The following TBC1D5 variants were observed in gnomAD, a reference collection of about 807,000 sequenced individuals.
The protein encoded by TBC1D5 is TBC1 domain family, member 5.
In TBC1D5, 75 loss-of-function variants were observed where a neutral mutation model predicts 100.3. That is an observed-to-expected ratio of 0.75 (90% CI 0.62 to 0.91). TBC1D5 has a LOEUF of 0.91. Ranked by LOEUF, TBC1D5 falls within the 40% of genes least tolerant of loss-of-function variation. The pLI is 0.00. For synonymous variants in TBC1D5, 323 were observed against 325.6 expected, an observed-to-expected ratio of 0.99 and a Z score of 0.09; for missense variants, 910 against 942.4, an observed-to-expected ratio of 0.97 and a Z score of 0.45.
chr3:17,168,016 T>C (rs2066813401), intron 19 of TBC1D5, among the ~76,000 whole-genome samples, 188 bp from the exon 21 acceptor site: 1 of 152,160 alleles, frequency 6.6e-6, no homozygotes, highest in Non-Finnish European at 1.5e-5. Flanking sequence ...GCACTGGGCC[T>C]GGTACACACA....
At chr3:17,397,986 T>C in intron 8 of TBC1D5, among the ~76,000 whole-genome samples, 1 of 152,158 alleles carries the variant, frequency 6.6e-6, no homozygotes, top group Non-Finnish European at 1.5e-5. Context: ...ATGTTATAGA[T>C]GCTGCATATA....
At chr3:17,344,297 G>C (rs1315078658) in intron 13 of TBC1D5, among the ~76,000 whole-genome samples, 2 of 152,026 alleles carry the variant, frequency 1.3e-5, no homozygotes, top group African/African-American at 4.8e-5. Context: ...GCCAAATCAT[G>C]AGTGAACTCC....
At chr3:17,407,547 G>A (rs1445705550) in intron 4 of TBC1D5, among the ~76,000 whole-genome samples, 1 of 152,112 alleles carries the variant, frequency 6.6e-6, no homozygotes, top group Non-Finnish European at 1.5e-5. Context: ...TTACACACAT[G>A]TGCAGTTGTC....
chr3:17,681,144 A>G (rs1475041930), intron 1 of TBC1D5, among the ~76,000 whole-genome samples: 1 of 151,674 alleles, frequency 6.6e-6, no homozygotes, highest in Non-Finnish European at 1.5e-5. Context: ...GAACTATAGT[A>G]AAGTATTTCA....
chr3:17,711,134 G>A (rs1393399834), intron 1 of TBC1D5, among the ~76,000 whole-genome samples: 1 of 152,080 alleles, frequency 6.6e-6, no homozygotes, highest in Non-Finnish European at 1.5e-5. Flanking sequence ...GCCTGAGATG[G>A]TCGTATGAGG....
At chr3:17,714,008 A>G (rs2075004832) in intron 1 of TBC1D5, among the ~76,000 whole-genome samples, 1 of 152,216 alleles carries the variant, frequency 6.6e-6, no homozygotes. Flanking sequence ...AAGCTTTATA[A>G]TATTTTTTCA....
At chr3:17,165,169 T>C (rs2066467137) in intron 21 of TBC1D5, among the ~76,000 whole-genome samples, 1 of 152,206 alleles carries the variant, frequency 6.6e-6, no homozygotes, top group African/African-American at 2.4e-5. Flanking sequence ...ATCTTGGGTA[T>C]GCACAGTGGG....
At chr3:17,579,661 CA>C (rs542199673) in intron 2 of TBC1D5, among the ~76,000 whole-genome samples, 1 of 149,674 alleles carries the variant, frequency 6.7e-6, no homozygotes, top group Non-Finnish European at 1.5e-5. Flanking sequence ...ACAATTTGAC[CA>C]AAAAAAAAGA....
chr3:17,351,498 A>G (rs902178423), intron 13 of TBC1D5, among the ~76,000 whole-genome samples: 1 of 152,148 alleles, frequency 6.6e-6, no homozygotes, highest in African/African-American at 2.4e-5. Context: ...CAAACACCGC[A>G]TGTTCTCACT....
At chr3:17,456,783 T>C (rs181829442) in intron 3 of TBC1D5, among the ~76,000 whole-genome samples, 1 of 152,254 alleles carries the variant, frequency 6.6e-6, no homozygotes, top group East Asian at 1.9e-4. Context: ...AAATGTGGTA[T>C]AACAATAAAA....
chr3:17,635,777 G>A (rs2063862111), intron 1 of TBC1D5, among the ~76,000 whole-genome samples: 1 of 152,206 alleles, frequency 6.6e-6, no homozygotes, highest in Non-Finnish European at 1.5e-5. Flanking sequence ...ACTGTGATGA[G>A]TTTAAGATGG....
chr3:17,725,300 A>AT (rs919366789), intron 1 of TBC1D5, among the ~76,000 whole-genome samples: 2 of 152,090 alleles, frequency 1.3e-5, no homozygotes, highest in Non-Finnish European at 2.9e-5. Flanking sequence ...AGCTTGAGGG[A>AT]TTTTTTTGGT....
intron 14 of TBC1D5, among the ~76,000 whole-genome samples, chr3:17,296,216 C>T (rs139144494): frequency 2.6e-5 from 4 of 152,164 alleles, no homozygotes; most frequent in East Asian, 1.9e-4. Flanking sequence ...ATAAAATGAG[C>T]TAACAAAAAA....
chr3:17,185,709 A>AT (rs1310496221), intron 18 of TBC1D5, among the ~76,000 whole-genome samples: 2 of 151,918 alleles, frequency 1.3e-5, no homozygotes, highest in African/African-American at 2.4e-5. Flanking sequence ...AAATAAAAAA[A>AT]AAATAAAAAA....
intron 2 of TBC1D5, among the ~76,000 whole-genome samples, chr3:17,565,408 A>G (rs1029404771): frequency 1.3e-5 from 2 of 152,170 alleles, no homozygotes; most frequent in African/African-American, 2.4e-5. Flanking sequence ...AAGAAAGACC[A>G]TAACAATTAC....
intron 3 of TBC1D5, among the ~76,000 whole-genome samples, chr3:17,476,204 C>CTA (rs1056813500): frequency 3.3e-5 from 5 of 151,560 alleles, no homozygotes; most frequent in African/African-American, 1.2e-4. Context: ...TAATTTAATT[C>CTA]TATATATATA....
At chr3:17,408,698 T>C (rs2093841081) in intron 4 of TBC1D5, among the ~76,000 whole-genome samples, 1 of 152,158 alleles carries the variant, frequency 6.6e-6, no homozygotes, top group Admixed American at 6.6e-5. Flanking sequence ...AGAAAAGTTT[T>C]TCATACATTA....
intron 2 of TBC1D5, among the ~76,000 whole-genome samples, chr3:17,560,920 C>CA (rs1296157794): frequency 0.059 from 7,870 of 134,372 alleles, 622 homozygotes; most frequent in African/African-American, 0.19. Flanking sequence ...GACTCCATCT[C>CA]AAAAAAAAAA....
At chr3:17,449,425 C>T (rs771457551) in intron 3 of TBC1D5, among the ~76,000 whole-genome samples, 2 of 152,136 alleles carry the variant, frequency 1.3e-5, no homozygotes, top group Non-Finnish European at 2.9e-5. Context: ...GCCAGGGAGC[C>T]AACTGGTTTT....
Sources: allele counts gnomAD v4.1 joint callset (sites outside exome capture counted in the v4.1 genomes callset), GRCh38; gene constraint gnomAD v4.1.1; transcripts MANE v1.5; gene names NCBI Gene and HGNC (gene_info 2026-07-23, HGNC 2026-07-21).